The following EML5 variants were observed in gnomAD, a reference collection of about 807,000 sequenced individuals.
EML5 encodes echinoderm microtubule-associated protein-like 5.
EML5 carries 120 observed loss-of-function variants against 250.0 expected under a neutral mutation model. The observed-to-expected ratio is 0.48, with a 90% CI of 0.41 to 0.56. The LOEUF (loss-of-function observed/expected upper bound fraction) is 0.56. Among genes scored for constraint, EML5 ranks in the 20% least tolerant of loss-of-function variants. The probability of loss-of-function intolerance (pLI) is 0.00; values close to 1 mark genes in which losing one functional copy is unlikely to be tolerated. For synonymous variants in EML5, 771 were observed against 806.5 expected (o/e 0.96, Z 0.75); for missense variants, 2,006 against 2,437.6 (o/e 0.82, Z 3.73).
At chr14:88,684,525 G>GGATA (rs1462422944) in intron 20 of EML5, among the ~76,000 whole-genome samples, 4 of 75,420 alleles carry the variant, frequency 5.3e-5, no homozygotes, top group African/African-American at 4.4e-4. Flanking sequence ...TGAAATTTTA[G>GGATA]CATACATTTT....
intron 28 of EML5, among the ~76,000 whole-genome samples, chr14:88,649,632 C>A (rs1372066028): frequency 6.6e-6 from 1 of 152,008 alleles, no homozygotes; most frequent in African/African-American, 2.4e-5. Flanking sequence ...TTTTACGAGC[C>A]TCTGAAACTT....
intron 7 of EML5, among the ~76,000 whole-genome samples, chr14:88,733,375 CCTCA>C (rs1340591847): frequency 5.3e-5 from 8 of 152,352 alleles, no homozygotes; most frequent in East Asian, 3.9e-4. Flanking sequence ...CTGGATAGCT[CCTCA>C]CTATCTTGTC....
chr14:88,616,638 A>G (rs1230958653), intron 42 of EML5, 88 bp downstream of exon 42: 1 of 1,314,290 alleles, frequency 7.6e-7, no homozygotes, highest in African/African-American at 1.5e-5. Context: ...ATTAGGACAA[A>G]ACATTTTAAA....
chr14:88,746,990 T>G lies in EML5; in HGVS notation c.358-707A>C, dbSNP rs576959828. On this transcript the variant is annotated intron_variant, in intron 2 of 43. Coordinates refer to ENST00000554922, the MANE Select transcript of EML5 (RefSeq NM_183387.3). The stretch of plus-strand genomic sequence containing the variant: ...TCAAAGTAGTCTTCAGGGTTGGCTG[T>G]GTCTTCAAGCAACTTCAACAATGTG... Among the ~76,000 whole-genome samples the G allele has an allele frequency of 1.8e-3, 275 of 152,262 alleles. 2 individuals carry two copies. The highest frequency in any genetic ancestry group is 5.9e-3 in the African/African-American group (247 of 41,568).
At chr14:88,763,475 T>C (rs1311207748) in intron 1 of EML5, among the ~76,000 whole-genome samples, 1 of 152,026 alleles carries the variant, frequency 6.6e-6, no homozygotes, top group Non-Finnish European at 1.5e-5. Context: ...AATCCCTGAA[T>C]AGACCAATAA....
At chr14:88,777,315 T>G (rs1482398899) in intron 1 of EML5, among the ~76,000 whole-genome samples, 1 of 152,156 alleles carries the variant, frequency 6.6e-6, no homozygotes, top group Non-Finnish European at 1.5e-5. Context: ...AAAAAAAATT[T>G]ACCCTAGAAT....
chr14:88,707,271 T>A (rs960003210), intron 10 of EML5, among the ~76,000 whole-genome samples: 3 of 54,810 alleles, frequency 5.5e-5, no homozygotes, highest in African/African-American at 3.0e-4. Context: ...AGGGATATAT[T>A]TTATTTATTT....
At position 88,643,126 on chromosome 14, in the gene EML5, G is replaced by A. The variant is rs1002514548; in HGVS notation, c.4108-104C>T. 9.9e-6 allele frequency: 11 copies of A among 1,108,312 alleles called. No individual in the cohort carries two copies. In the Middle Eastern group the frequency reaches 1.2e-3, roughly 117 times the overall value. The allele number at this position is 1,108,312 out of a possible 1,614,324, so 68.7% of individuals were successfully genotyped here. A position where few individuals can be genotyped will look rare whatever the true frequency, so the allele number is the denominator to read the frequency against. ...TAGTAGTGTCTGCAGTCAAAATGGA[G>A]TATGCATTTTTGATGTTTTACAAAC... On this transcript the variant is annotated intron_variant, in intron 30 of 43. Coordinates refer to ENST00000554922, the MANE Select transcript of EML5 (RefSeq NM_183387.3).
chr14:88,739,884 C>A (rs909435949), intron 5 of EML5, among the ~76,000 whole-genome samples: 1 of 152,154 alleles, frequency 6.6e-6, no homozygotes, highest in Non-Finnish European at 1.5e-5. Flanking sequence ...ACACAAAGAT[C>A]TTGCTGTTAA....
intron 8 of EML5, among the ~76,000 whole-genome samples, chr14:88,718,351 CAT>C (rs1164296135): frequency 1.3e-4 from 20 of 152,088 alleles, no homozygotes; most frequent in African/African-American, 3.9e-4. Flanking sequence ...AGGGAGAAAA[CAT>C]AGAGTAAAAA....
chr14:88,684,510 A>C (rs2092786652), intron 20 of EML5, among the ~76,000 whole-genome samples: 1 of 104,064 alleles, frequency 9.6e-6, no homozygotes, highest in Non-Finnish European at 1.7e-5. Flanking sequence ...TTTAATTTTC[A>C]GTAATGAAAT....
At chr14:88,662,336 CTTGTTTTTTTT>C (rs2092135987) in intron 24 of EML5, among the ~76,000 whole-genome samples, 1 of 32,572 alleles carries the variant, frequency 3.1e-5, no homozygotes, top group Non-Finnish European at 5.5e-5. Flanking sequence ...CACAATTTTT[CTTGTTTTTTTT>C]TTTTTTTTTT....
At chr14:88,625,187 A>G in intron 35 of EML5, 60 bp from the exon 36 acceptor site, 1 of 1,575,468 alleles carries the variant, frequency 6.3e-7, no homozygotes, top group Non-Finnish European at 8.6e-7. Context: ...GAGTTTAAAT[A>G]GATAATTTTC....
chr14:88,739,698 A>C (rs1032298862), intron 5 of EML5, among the ~76,000 whole-genome samples: 3 of 152,170 alleles, frequency 2.0e-5, no homozygotes, highest in African/African-American at 7.2e-5. Flanking sequence ...AAGCAAAGAC[A>C]AACAGATTGG....
intron 7 of EML5, among the ~76,000 whole-genome samples, chr14:88,730,704 T>G (rs1366157670): frequency 6.6e-6 from 1 of 152,214 alleles, no homozygotes; most frequent in Non-Finnish European, 1.5e-5. Context: ...CTTTTATGAA[T>G]AGTCTGCATG....
At chr14:88,781,824 G>A (rs1595878152) in intron 1 of EML5, among the ~76,000 whole-genome samples, 1 of 152,340 alleles carries the variant, frequency 6.6e-6, no homozygotes, top group South Asian at 2.1e-4. Flanking sequence ...CAGCCCTGCA[G>A]AACTGTGAGT....
intron 40 of EML5, 21 bp downstream of exon 40, chr14:88,618,629 T>C (rs2088198849): frequency 1.9e-6 from 3 of 1,595,636 alleles, no homozygotes; most frequent in South Asian, 2.3e-5. Flanking sequence ...GCCACCTGGG[T>C]ATACAGTATT....
chr14:88,706,404 A>C lies in EML5; in HGVS notation c.1680T>G (p.Ile560Met). 6.3e-7 allele frequency: 1 copy of C among 1,577,042 alleles called. No individual in the cohort carries two copies. The highest frequency in any genetic ancestry group is 8.6e-7 in the Non-Finnish European group (1 of 1,164,746). The change falls in exon 11 of 44, where the codon ATT becomes ATG. Residue 560 changes from isoleucine to methionine, a missense_variant. Around this residue, in one of 7 missense-constraint regions of EML5, gnomAD observed 1,375 missense variants for 1,590.3 expected, o/e 0.86. Coordinates refer to ENST00000554922, the MANE Select transcript of EML5 (RefSeq NM_183387.3). ...LRKGAKFRKY[I>M]GHSAHVTNVR... Reference sequence around the variant, plus strand: ...CATTAGTTACGTGAGCTGAATGGCCAATATATTTTCTAAACTTGGCCCCTA... The same window carrying C: ...CATTAGTTACGTGAGCTGAATGGCCCATATATTTTCTAAACTTGGCCCCTA...
intron 7 of EML5, among the ~76,000 whole-genome samples, chr14:88,729,576 T>G (rs894631135): frequency 1.3e-5 from 2 of 151,656 alleles, no homozygotes; most frequent in Non-Finnish European, 2.9e-5. Context: ...TTTTTTGTTT[T>G]TTTGAGACAG....
Sources: gnomAD v4.1 joint callset for allele counts (sites outside exome capture counted in the v4.1 genomes callset) on GRCh38, gnomAD v4.1.1 for gene constraint, gnomAD v4.1.1 regional missense constraint, MANE v1.5 for transcripts, NCBI Gene and HGNC (gene_info 2026-07-23, HGNC 2026-07-21) for gene names.